ZNF532: variants seen among roughly 807,000 people sequenced by gnomAD.
ZNF532 encodes the protein zinc finger protein 532.
A neutral mutation model predicts 89.3 loss-of-function variants in ZNF532; 22 were observed. That is an observed-to-expected ratio of 0.25 (90% CI 0.18 to 0.35). The LOEUF is 0.35. Among genes scored for constraint, ZNF532 ranks in the 10% least tolerant of loss-of-function variants. The probability of loss-of-function intolerance (pLI) is 1.00; values close to 1 mark genes in which losing one functional copy is unlikely to be tolerated. For synonymous variants in ZNF532, 606 were observed against 649.6 expected, an observed-to-expected ratio of 0.93 and a Z score of 1.02; for missense variants, 1,132 against 1,643.4, an observed-to-expected ratio of 0.69 and a Z score of 5.38.
chr18:58,928,055 ATCTT>A (rs986223639), intron 3 of ZNF532, among the ~76,000 whole-genome samples: 4 of 151,836 alleles, frequency 2.6e-5, no homozygotes, highest in South Asian at 2.1e-4. Flanking sequence ...CCCCTTTTTT[ATCTT>A]TCTTTTTATA....
chr18:58,980,186 C>A (rs1029337749), intron 8 of ZNF532: 2 of 152,176 alleles, frequency 1.3e-5, no homozygotes, highest in Non-Finnish European at 2.9e-5. Flanking sequence ...TAGGAATCAT[C>A]TGATTCAGTG....
intron 2 of ZNF532, among the ~76,000 whole-genome samples, chr18:58,910,515 G>T (rs1602988757): frequency 6.6e-6 from 1 of 151,908 alleles, no homozygotes; most frequent in East Asian, 1.9e-4. Context: ...CACTCAGGCT[G>T]GAGTACAGTG....
At chr18:58,921,429 G>T (rs2061074629) in intron 3 of ZNF532, among the ~76,000 whole-genome samples, 1 of 152,196 alleles carries the variant, frequency 6.6e-6, no homozygotes, top group African/African-American at 2.4e-5. Flanking sequence ...TACTTTTACA[G>T]TTAAATGCAT....
chr18:58,915,536 A>G (rs541372234), intron 2 of ZNF532, among the ~76,000 whole-genome samples: 9 of 152,266 alleles, frequency 5.9e-5, no homozygotes, highest in Admixed American at 5.9e-4. Context: ...GGCCTTCTAG[A>G]TCCTAACTCT....
At chr18:58,900,716 T>TA (rs2059549097) in intron 2 of ZNF532, among the ~76,000 whole-genome samples, 1 of 152,232 alleles carries the variant, frequency 6.6e-6, no homozygotes, top group Non-Finnish European at 1.5e-5. Context: ...TGGCAACCGT[T>TA]ATTGACATAC....
chr18:58,916,992 A>T (rs1417808043), intron 2 of ZNF532, among the ~76,000 whole-genome samples: 1 of 152,224 alleles, frequency 6.6e-6, no homozygotes. Flanking sequence ...CGAAGGGCAG[A>T]GTCTGTCTAG....
Position 58,920,097 on chromosome 18 carries a change from C to T in ZNF532, c.1810C>T (p.Pro604Ser). The T allele has an allele frequency of 6.2e-7, 1 of 1,613,980 alleles. No homozygotes were observed. The highest frequency in any genetic ancestry group is 8.5e-7 in the Non-Finnish European group (1 of 1,179,870). ...VPVYIPNLSPPANAGITLPTR... is the reference protein window; with the variant it reads ...VPVYIPNLSPSANAGITLPTR... ...TGTTTACATCCCAAACCTCAGTCCT[C>T]CCGCCAATGCAGGGATCACGTTACC... The change falls in exon 3 of 10, where the codon CCC becomes TCC. Residue 604 changes from proline to serine, a missense_variant. Physicochemically the swap from Pro to Ser is moderately conservative, Grantham distance 74. This residue lies in a region of ZNF532 where 70 missense variants were observed against 152.1 expected (regional missense o/e 0.46). Coordinates refer to ENST00000591808, the MANE Select transcript of ZNF532 (RefSeq NM_001375912.1).
chr18:58,969,166 T>C (rs1441662244), intron 7 of ZNF532, among the ~76,000 whole-genome samples: 1 of 152,182 alleles, frequency 6.6e-6, no homozygotes, highest in Admixed American at 6.5e-5. Context: ...TTAGCTCTTG[T>C]GCCTGAGCCT....
At chr18:58,926,782 ACT>A (rs1331400370) in intron 3 of ZNF532, among the ~76,000 whole-genome samples, 1 of 151,690 alleles carries the variant, frequency 6.6e-6, no homozygotes, top group Non-Finnish European at 1.5e-5. Context: ...GTATCCTTTG[ACT>A]CTGTTGAACT....
At chr18:58,894,745 C>T (rs551471228) in intron 2 of ZNF532, among the ~76,000 whole-genome samples, 2 of 152,172 alleles carry the variant, frequency 1.3e-5, no homozygotes, top group African/African-American at 2.4e-5. Context: ...TGGCATTTTA[C>T]GAACAAACTA....
intron 2 of ZNF532, 143 bp from the exon 3 acceptor site, chr18:58,918,128 C>CA: frequency 1.3e-6 from 1 of 740,976 alleles, no homozygotes; most frequent in Non-Finnish European, 2.1e-6. Context: ...CACTTGGACT[C>CA]AGAGTTTCGT....
In ZNF532 at chr18:58,981,587, G is replaced by A. The variant is rs755235653; in HGVS notation, c.3381G>A (p.Glu1127=). 6.2e-7 allele frequency: 1 copy of A among 1,614,132 alleles called. No homozygotes were observed. Among genetic ancestry groups the A allele is most frequent in the Non-Finnish European group, 8.5e-7 (1 of 1,179,998 alleles). The change falls in exon 9 of 10, where the codon GAG becomes GAA. Residue 1127 remains glutamate (E), a synonymous_variant. Coordinates refer to ENST00000591808, the MANE Select transcript of ZNF532 (RefSeq NM_001375912.1). ...AAGAAATGACAGATGCCACCAATGA[G>A]GAGGAAACAGAAATAAAAGAAGACA... ...DLKEMTDATN[E]EETEIKEDTK... is the part of the protein sequence containing the mutation.
intron 2 of ZNF532, among the ~76,000 whole-genome samples, chr18:58,907,686 G>A (rs76044600): frequency 6.6e-6 from 1 of 152,078 alleles, no homozygotes; most frequent in African/African-American, 2.4e-5. Flanking sequence ...CTGTGCTTCC[G>A]GTCAGCATGT....
intron 7 of ZNF532, among the ~76,000 whole-genome samples, chr18:58,978,012 T>A (rs1317724955): frequency 1.3e-5 from 2 of 152,256 alleles, no homozygotes; most frequent in Non-Finnish European, 2.9e-5. Flanking sequence ...GATATGACAC[T>A]GTTTAGTTCC....
At chr18:58,939,082 A>G (rs1475279929) in intron 4 of ZNF532, among the ~76,000 whole-genome samples, 1 of 151,908 alleles carries the variant, frequency 6.6e-6, no homozygotes. Flanking sequence ...CCCCATCTCT[A>G]CTAAAAATAC....
intron 8 of ZNF532, 179 bp downstream of exon 8, chr18:58,979,346 T>TAA: frequency 2.9e-6 from 1 of 347,438 alleles, no homozygotes. Flanking sequence ...AATATGAAAA[T>TAA]AAAAAAAAAA....
chr18:58,981,471 C>G lies in ZNF532; in HGVS notation c.3265C>G (p.His1089Asp). The G allele has an allele frequency of 6.2e-7, 1 of 1,612,136 alleles. No individual in the cohort carries two copies. The highest frequency in any genetic ancestry group is 8.5e-7 in the Non-Finnish European group (1 of 1,179,782). ...KGIRKVYACS[H>D]CPDSRRTFTK... Reference sequence around the variant, plus strand: ...ATCTCCTTGCCTTTCACCCCACAGGCACTGCCCAGACTCCAGACGTACCTT... The same window carrying G: ...ATCTCCTTGCCTTTCACCCCACAGGGACTGCCCAGACTCCAGACGTACCTT... Residue 1089 changes from histidine (H) to aspartate (D), a missense_variant and splice_region_variant, in exon 9 of 10, where the codon CAC becomes GAC. By Grantham distance (81) the His-to-Asp change is moderately conservative. Transcript: ENST00000591808.
At chr18:58,891,043 C>G (rs1322569389) in intron 2 of ZNF532, among the ~76,000 whole-genome samples, 2 of 152,060 alleles carry the variant, frequency 1.3e-5, no homozygotes, top group East Asian at 1.9e-4. Context: ...CTCAGCCTCC[C>G]GAGTAGCTAG....
chr18:58,901,814 T>G (rs1804049742), intron 2 of ZNF532, among the ~76,000 whole-genome samples: 1 of 152,124 alleles, frequency 6.6e-6, no homozygotes, highest in Non-Finnish European at 1.5e-5. Flanking sequence ...CTCCAGGATT[T>G]CTCTGTTGGC....
Sources: gnomAD v4.1 joint callset for allele counts (sites outside exome capture counted in the v4.1 genomes callset) on GRCh38, gnomAD v4.1.1 for gene constraint, gnomAD v4.1.1 regional missense constraint, MANE v1.5 for transcripts, NCBI Gene and HGNC (gene_info 2026-07-23, HGNC 2026-07-21) for gene names.